Variants in U2SURP observed in about 807,000 individuals in gnomAD.
The protein encoded by U2SURP is U2 snRNP associated SURP domain containing.
In U2SURP, 9 loss-of-function variants were observed where a neutral mutation model predicts 144.9. That is an observed-to-expected ratio of 0.06 (90% CI 0.04 to 0.11). U2SURP has a LOEUF of 0.11. Ranked by LOEUF, U2SURP falls within the 10% of genes least tolerant of loss-of-function variation. The probability of loss-of-function intolerance (pLI) is 1.00; values close to 1 mark genes in which losing one functional copy is unlikely to be tolerated. For missense variants in U2SURP, 724 were observed against 1,226.7 expected (o/e 0.59, Z 6.12); for synonymous variants, 408 against 396.8 (o/e 1.03, Z -0.33).
chr3:143,052,485 A>G (rs1934938413), intron 25 of U2SURP, among the ~76,000 whole-genome samples: 1 of 152,230 alleles, frequency 6.6e-6, no homozygotes, highest in Admixed American at 6.5e-5. Context: ...CAAGCACAAA[A>G]TACATAATAT....
At position 143,010,805 on chromosome 3, in the gene U2SURP, A is replaced by G; in HGVS notation, c.46-10A>G. Reference sequence around the variant, plus strand: ...TTTAAATTATTGACTTTTATTTTTGATACTTGTAGACGAGATCATCAGATG... The same window carrying G: ...TTTAAATTATTGACTTTTATTTTTGGTACTTGTAGACGAGATCATCAGATG... On this transcript the variant is annotated splice_polypyrimidine_tract_variant and intron_variant, in intron 1 of 27. Coordinates refer to ENST00000473835, the MANE Select transcript of U2SURP (RefSeq NM_001080415.2). 1 of 1,596,836 alleles carries G rather than the reference A, an allele frequency of 6.3e-7. No individual in the cohort carries two copies. Among genetic ancestry groups the G allele is most frequent in the Non-Finnish European group, 8.6e-7 (1 of 1,169,270 alleles).
chr3:143,017,307 G>A (rs565864817), intron 6 of U2SURP: 1 of 180,296 alleles, frequency 5.5e-6, no homozygotes, highest in Non-Finnish European at 1.1e-5. Context: ...TTTCTGAACT[G>A]AGGTATTTAA....
At chr3:143,044,009 T>C (rs1934264071) in intron 24 of U2SURP, among the ~76,000 whole-genome samples, 1 of 152,036 alleles carries the variant, frequency 6.6e-6, no homozygotes, top group South Asian at 2.1e-4. Context: ...CACCTCGGCC[T>C]CCCAAAGTGC....
At chr3:143,014,635 A>G (rs1018584628) in intron 4 of U2SURP, among the ~76,000 whole-genome samples, 2 of 151,928 alleles carry the variant, frequency 1.3e-5, no homozygotes, top group African/African-American at 4.8e-5. Context: ...GCTATTTTCT[A>G]ATCTATTCTT....
intron 5 of U2SURP, 57 bp downstream of exon 5, chr3:143,016,428 G>A (rs1427405790): frequency 1.6e-5 from 24 of 1,469,958 alleles, no homozygotes; most frequent in East Asian, 2.3e-5. Flanking sequence ...GTTTTTGAGC[G>A]AGCCCCATCT....
At chr3:143,037,120 A>G in intron 20 of U2SURP, 59 bp from the exon 21 acceptor site, 1 of 1,527,424 alleles carries the variant, frequency 6.5e-7, no homozygotes, top group Non-Finnish European at 8.9e-7. Context: ...AATTAATCTT[A>G]CAAGCAATGT....
Position 143,021,507 on chromosome 3 carries a change from A to C in U2SURP, c.804A>C (p.Val268=). ...LDDYAPGSHD[V]GDPSTTNLYL... is the part of the protein sequence containing the mutation. ...ATTACGCACCTGGCTCACATGATGT[A>C]GGAGATCCAAGCACTACTAATTTAT... Residue 268 remains valine, a synonymous_variant, in exon 10 of 28, where the codon GTA becomes GTC. Coordinates refer to ENST00000473835, the MANE Select transcript of U2SURP (RefSeq NM_001080415.2). The C allele has an allele frequency of 6.2e-7, 1 of 1,613,842 alleles. No individual in the cohort carries two copies. Among genetic ancestry groups the C allele is most frequent in the Non-Finnish European group, 8.5e-7 (1 of 1,179,854 alleles).
rs377431014 is a variant in U2SURP, at chr3:143,014,443, G to T, written c.321+34G>T. The T allele has an allele frequency of 1.3e-5, 18 of 1,436,754 alleles. No homozygotes were observed. The highest frequency in any genetic ancestry group is 1.5e-5 in the Non-Finnish European group (16 of 1,033,614). 89.0% of individuals were successfully genotyped at this position (1,436,754 alleles called of 1,614,324 possible). ...GAAAATGTATTTTGAATTATCCTTG[G>T]AAATGAATGTGTCTAAGGGGTTAGT... is the stretch of plus-strand genomic sequence containing the variant. On this transcript the variant is annotated intron_variant, in intron 4 of 27. Coordinates refer to ENST00000473835, the MANE Select transcript of U2SURP (RefSeq NM_001080415.2).
At chr3:143,036,950 C>T in intron 20 of U2SURP, 1 of 484,932 alleles carries the variant, frequency 2.1e-6, no homozygotes, top group Non-Finnish European at 3.6e-6. Flanking sequence ...TGTTTTTGCT[C>T]ATCATTGCCT....
chr3:143,051,602 CAA>C (rs3041537), intron 25 of U2SURP, among the ~76,000 whole-genome samples: 44 of 90,636 alleles, frequency 4.9e-4, no homozygotes, highest in East Asian at 3.3e-3. Flanking sequence ...ACTGTCGTTG[CAA>C]AAAAAAAAAA....
At chr3:143,043,605 C>A (rs1934235899) in intron 24 of U2SURP, among the ~76,000 whole-genome samples, 1 of 152,108 alleles carries the variant, frequency 6.6e-6, no homozygotes, top group African/African-American at 2.4e-5. Context: ...CATTAGGCTG[C>A]ACTTTCCATG....
chr3:143,035,985 CG>C lies in U2SURP; in HGVS notation c.1948del (p.Val650Ter). ...GHLQSENFKQRVMTCFRAWED... is the reference protein window; with the variant it reads ...GHLQSENFKQXVMTCFRAWED... ...TGTCTGTTTCCTGTTTCTTTAGCAA[CG>C]GGTAATGACTTGCTTCAGAGCATGG... is the stretch of plus-strand genomic sequence containing the variant. On this transcript the variant is annotated frameshift_variant, in exon 20 of 28. Transcript: ENST00000473835. LOFTEE classifies it high-confidence loss of function. The C allele has an allele frequency of 6.3e-7, 1 of 1,590,108 alleles. No homozygotes were observed. Among genetic ancestry groups the C allele is most frequent in the Non-Finnish European group, 8.5e-7 (1 of 1,172,540 alleles).
intron 24 of U2SURP, among the ~76,000 whole-genome samples, chr3:143,050,142 C>T (rs1276887779): frequency 1.3e-5 from 2 of 152,030 alleles, no homozygotes; most frequent in African/African-American, 2.4e-5. Context: ...GGTGCCATCT[C>T]GGCTCACCGC....
intron 14 of U2SURP, among the ~76,000 whole-genome samples, chr3:143,028,080 A>G (rs745554273): frequency 2.0e-5 from 3 of 152,102 alleles, no homozygotes; most frequent in Non-Finnish European, 4.4e-5. Flanking sequence ...TCTGCCATGT[A>G]AGTGTTCAGT....
intron 1 of U2SURP, among the ~76,000 whole-genome samples, chr3:143,010,009 A>C (rs1936040959): frequency 6.6e-6 from 1 of 152,262 alleles, no homozygotes; most frequent in Admixed American, 6.5e-5. Context: ...AAATAAAAAC[A>C]GCTCAGTGAC....
chr3:143,038,113 G>C lies in U2SURP; in HGVS notation c.2227G>C (p.Ala743Pro), dbSNP rs566037151. The change falls in exon 22 of 28, where the codon GCA (alanine) becomes CCA (proline). Residue 743 changes from alanine to proline, a missense_variant. By Grantham distance (27) the Ala-to-Pro change is conservative (BLOSUM62 -1). Coordinates refer to ENST00000473835, the MANE Select transcript of U2SURP (RefSeq NM_001080415.2). Reference sequence around the variant, plus strand: ...GGCTTATCTTTCCCTAATAGTGGATGCAACTGAAGACTCAAAAAAGAATGA... The same window carrying C: ...GGCTTATCTTTCCCTAATAGTGGATCCAACTGAAGACTCAAAAAAGAATGA... ...DDDLDGVPLD[A>P]TEDSKKNEPI... is the part of the protein sequence containing the mutation. The C allele has an allele frequency of 6.3e-7, 1 of 1,599,580 alleles. No individual in the cohort carries two copies. The highest frequency in any genetic ancestry group is 1.1e-5 in the South Asian group (1 of 87,778).
At chr3:143,008,392 CTTAG>C (rs1246424889) in intron 1 of U2SURP, among the ~76,000 whole-genome samples, 2 of 152,204 alleles carry the variant, frequency 1.3e-5, no homozygotes, top group East Asian at 3.8e-4. Context: ...GTAGCGCTTT[CTTAG>C]TTATTCTTTT....
chr3:143,031,957 A>G (rs1450694822), intron 16 of U2SURP, among the ~76,000 whole-genome samples: 1 of 152,194 alleles, frequency 6.6e-6, no homozygotes, highest in African/African-American at 2.4e-5. Context: ...TGGAAAATAA[A>G]GTTTTACTGG....
intron 6 of U2SURP, among the ~76,000 whole-genome samples, chr3:143,017,798 T>A (rs1324334799): frequency 6.6e-6 from 1 of 152,044 alleles, no homozygotes; most frequent in East Asian, 1.9e-4. Flanking sequence ...TTTTTTGGTA[T>A]TTTTTTGTGA....
Sources: allele counts gnomAD v4.1 joint callset (sites outside exome capture counted in the v4.1 genomes callset), GRCh38; gene constraint gnomAD v4.1.1; transcripts MANE v1.5; gene names NCBI Gene and HGNC (gene_info 2026-07-23, HGNC 2026-07-21).